The following LACTB variants were observed in gnomAD, a reference collection of about 807,000 sequenced individuals.
The protein encoded by LACTB is lactamase beta.
A neutral mutation model predicts 50.2 loss-of-function variants in LACTB; 35 were observed. That is an observed-to-expected ratio of 0.70 (90% CI 0.53 to 0.92). The LOEUF (loss-of-function observed/expected upper bound fraction) is 0.92. Ranked by LOEUF, LACTB falls within the 40% of genes least tolerant of loss-of-function variation. The pLI, the probability that LACTB is intolerant of heterozygous loss-of-function variation, is 0.00. For missense variants in LACTB, 664 were observed against 691.8 expected, an observed-to-expected ratio of 0.96 and a Z score of 0.45; for synonymous variants, 252 against 268.2, an observed-to-expected ratio of 0.94 and a Z score of 0.59.
intron 5 of LACTB, among the ~76,000 whole-genome samples, chr15:63,139,481 C>T (rs1314661894): frequency 2.0e-5 from 3 of 151,948 alleles, no homozygotes; most frequent in African/African-American, 7.3e-5. Flanking sequence ...GGCAAAACCC[C>T]ACCTCTACTA....
At chr15:63,140,961 A>T (rs1292398093) in intron 5 of LACTB, 7 of 971,782 alleles carry the variant, frequency 7.2e-6, no homozygotes, top group African/African-American at 1.8e-5. Context: ...TGCACAGGGC[A>T]AATATGTCAT....
In LACTB at chr15:63,126,996, C is replaced by G; in HGVS notation, c.562C>G (p.Pro188Ala). Residue 188 changes from proline to alanine, a missense_variant, in exon 3 of 6, where the codon CCA (proline) becomes GCA (alanine). Physicochemically the swap from Pro to Ala is conservative, Grantham distance 27. Transcript: ENST00000261893. ...AGCAGGGAAACTGGATCTTGATATT[C>G]CAGTACAACATTATGTTCCCGAATT... Reference protein sequence around the residue: ...WEAGKLDLDIPVQHYVPEFPE... With the variant: ...WEAGKLDLDIAVQHYVPEFPE... The G allele has an allele frequency of 6.2e-7, 1 of 1,612,992 alleles. No individual in the cohort carries two copies. Among genetic ancestry groups the G allele is most frequent in the South Asian group, 1.1e-5 (1 of 90,938 alleles).
At chr15:63,122,756 G>A (rs1595712857) in intron 2 of LACTB, 54 bp downstream of exon 2, 5 of 1,239,574 alleles carry the variant, frequency 4.0e-6, no homozygotes, top group Non-Finnish European at 6.0e-6. Flanking sequence ...ATAAAATATT[G>A]TTTTACTGGT....
At chr15:63,125,127 C>T (rs1262140181) in intron 2 of LACTB, among the ~76,000 whole-genome samples, 2 of 151,652 alleles carry the variant, frequency 1.3e-5, no homozygotes, top group Non-Finnish European at 2.9e-5. Context: ...TTGAGACCAG[C>T]TTAGGCACCA....
intron 5 of LACTB, among the ~76,000 whole-genome samples, chr15:63,132,514 T>C (rs904269465): frequency 6.6e-6 from 1 of 152,186 alleles, no homozygotes; most frequent in Admixed American, 6.5e-5. Flanking sequence ...ATGCCATTAA[T>C]AAGAGTAATT....
rs563807205 is a variant in LACTB at position 63,133,422 on chromosome 15, A to T, written c.1118+3772A>T. Among the ~76,000 whole-genome samples the T allele has an allele frequency of 1.6e-4, 24 of 152,214 alleles. No homozygotes were observed. The South Asian group carries it at 4.8e-3, about 30-fold the overall frequency. On this transcript the variant is annotated intron_variant, in intron 5 of 5. Coordinates refer to ENST00000261893, the MANE Select transcript of LACTB (RefSeq NM_032857.5). Reference sequence around the variant, plus strand: ...GATCATTTGAGGCCAGGAGTTTGAGACCAGCCTTGGCAACAGAGTGAGACC... The same window carrying T: ...GATCATTTGAGGCCAGGAGTTTGAGTCCAGCCTTGGCAACAGAGTGAGACC...
Position 63,129,544 on chromosome 15 carries a change from G to A in LACTB, c.1012G>A (p.Ala338Thr), listed in dbSNP as rs186932521. The A allele has an allele frequency of 2.1e-4, 344 of 1,613,234 alleles. No homozygotes were observed. The highest frequency in any genetic ancestry group is 2.4e-4 in the Non-Finnish European group (287 of 1,179,524). ...YTLLAAIVER[A>T]SGCKYLDYMQ... is the part of the protein sequence containing the mutation. ...CCTACTGGCAGCCATAGTAGAGAGA[G>A]CTTCAGGATGTAAATATTTGGACTA... Residue 338 changes from alanine to threonine, a missense_variant, in exon 5 of 6, where the codon GCT (alanine) becomes ACT (threonine). Transcript: ENST00000261893.
intron 3 of LACTB, 145 bp downstream of exon 3, chr15:63,127,194 G>A (rs2037064598): frequency 1.1e-6 from 1 of 916,106 alleles, no homozygotes; most frequent in East Asian, 2.7e-5. Flanking sequence ...TGATAATCAG[G>A]TAGGTATTTT....
chr15:63,128,986 T>TC (rs1204691451), intron 4 of LACTB, among the ~76,000 whole-genome samples: 2 of 152,076 alleles, frequency 1.3e-5, no homozygotes, highest in African/African-American at 4.8e-5. Flanking sequence ...CAGGTGATCC[T>TC]CCCCCCTTGG....
intron 5 of LACTB, among the ~76,000 whole-genome samples, chr15:63,139,696 TG>T (rs2037210212): frequency 6.7e-6 from 1 of 149,582 alleles, no homozygotes; most frequent in Non-Finnish European, 1.5e-5. Context: ...TAGCTGGGCA[TG>T]GTGGCAGCAC....
intron 4 of LACTB, among the ~76,000 whole-genome samples, chr15:63,127,951 G>A (rs1784428430): frequency 6.6e-6 from 1 of 152,232 alleles, no homozygotes; most frequent in African/African-American, 2.4e-5. Context: ...ATGGAGAAAT[G>A]TTGGAATAAT....
rs770945741 is a variant in LACTB at position 63,127,562 on chromosome 15, C to T, written c.825C>T (p.Cys275=). ...FKTEQENEAK[C]RNSKPGKKKN... is the part of the protein sequence containing the mutation. ...CAGAGCAGGAGAATGAAGCCAAATG[C>T]CGGAATTCAAAACCTGGCAAGAAAA... Residue 275 remains cysteine, a synonymous_variant, in exon 4 of 6, where the codon TGC becomes TGT. Transcript: ENST00000261893. 6.2e-7 allele frequency: 1 copy of T among 1,613,630 alleles called. No homozygotes were observed. Among genetic ancestry groups the T allele is most frequent in the East Asian group, 2.2e-5 (1 of 44,840 alleles).
chr15:63,124,084 A>G (rs1300639660), intron 2 of LACTB, among the ~76,000 whole-genome samples: 2 of 152,314 alleles, frequency 1.3e-5, no homozygotes, highest in South Asian at 4.1e-4. Flanking sequence ...CCGGCTGGCA[A>G]CGGGCGTCTT....
At chr15:63,127,111 A>G (rs2037063797) in intron 3 of LACTB, 62 bp downstream of exon 3, 16 of 1,236,634 alleles carry the variant, frequency 1.3e-5, no homozygotes, top group South Asian at 3.1e-5. Flanking sequence ...TGGAATTTAT[A>G]TTTAAAATGT....
At chr15:63,124,386 T>C (rs982745746) in intron 2 of LACTB, among the ~76,000 whole-genome samples, 6 of 152,232 alleles carry the variant, frequency 3.9e-5, no homozygotes, top group African/African-American at 1.4e-4. Context: ...CTGGAACAGC[T>C]CGTGTCCTCG....
At chr15:63,127,252 A>G (rs2037065178) in intron 3 of LACTB, 101 bp from the exon 4 acceptor site, 1 of 1,043,592 alleles carries the variant, frequency 9.6e-7, no homozygotes, top group South Asian at 1.7e-5. Flanking sequence ...TCCCAGCAGC[A>G]GTTCTAAGTG....
intron 5 of LACTB, chr15:63,141,014 G>C: frequency 2.0e-6 from 2 of 985,010 alleles, no homozygotes; most frequent in Non-Finnish European, 2.4e-6. Flanking sequence ...TTAAAGGTTT[G>C]ATACACTCAG....
chr15:63,135,753 A>G (rs1168912467), intron 5 of LACTB, among the ~76,000 whole-genome samples: 1 of 152,172 alleles, frequency 6.6e-6, no homozygotes, highest in Admixed American at 6.6e-5. Context: ...TTGTCAGTTG[A>G]ATCTAAAAAA....
At chr15:63,125,551 G>A (rs2037041457) in intron 2 of LACTB, among the ~76,000 whole-genome samples, 1 of 152,102 alleles carries the variant, frequency 6.6e-6, no homozygotes, top group Admixed American at 6.5e-5. Flanking sequence ...GATAAGTCTT[G>A]TAATCAAAAA....
Sources: gnomAD v4.1 joint callset for allele counts (sites outside exome capture counted in the v4.1 genomes callset) on GRCh38, gnomAD v4.1.1 for gene constraint, MANE v1.5 for transcripts, NCBI Gene and HGNC (gene_info 2026-07-23, HGNC 2026-07-21) for gene names.